Variants in EFHC2 observed in about 807,000 individuals in gnomAD.
EFHC2 encodes the protein EF-hand domain-containing family member C2.
A neutral mutation model predicts 52.7 loss-of-function variants in EFHC2; 18 were observed. That is an observed-to-expected ratio of 0.34 (90% CI 0.24 to 0.51). The LOEUF (loss-of-function observed/expected upper bound fraction) is 0.51. Ranked by LOEUF, EFHC2 falls within the 20% of genes least tolerant of loss-of-function variation. The probability of loss-of-function intolerance (pLI) is 0.97; values close to 1 mark genes in which losing one functional copy is unlikely to be tolerated. For synonymous variants in EFHC2, 203 were observed against 204.1 expected (o/e 0.99, Z 0.04); for missense variants, 513 against 562.5 (o/e 0.91, Z 0.89).
intron 9 of EFHC2, among the ~76,000 whole-genome samples, chrX:44,234,049 A>T (rs2037299288): frequency 8.9e-6 from 1 of 111,930 alleles, no homozygotes; most frequent in Non-Finnish European, 1.9e-5. Flanking sequence ...ACAGTCTGAC[A>T]GCTCTCCCAG....
chrX:44,226,867 C>T (rs1366362735), intron 11 of EFHC2, among the ~76,000 whole-genome samples: 1 of 105,901 alleles, frequency 9.4e-6, no homozygotes, highest in Non-Finnish European at 1.9e-5. Context: ...ACGTTCTGCA[C>T]ATGTACCCCA....
chrX:44,223,847 T>C (rs1348746630), intron 11 of EFHC2, among the ~76,000 whole-genome samples: 6 of 111,954 alleles, frequency 5.4e-5, no homozygotes, highest in African/African-American at 1.9e-4. Flanking sequence ...ATTCATAGAC[T>C]AGTGGCTTCC....
chrX:44,252,386 C>A (rs1266523161), intron 4 of EFHC2, among the ~76,000 whole-genome samples: 1 of 112,066 alleles, frequency 8.9e-6, no homozygotes, highest in Non-Finnish European at 1.9e-5. Flanking sequence ...CTGTCGAGGG[C>A]AGTCTAGGTG....
At chrX:44,331,815 T>C (rs2038088467) in intron 1 of EFHC2, among the ~76,000 whole-genome samples, 1 of 110,806 alleles carries the variant, frequency 9.0e-6, no homozygotes, top group South Asian at 3.8e-4. Context: ...TCCCGGCTAC[T>C]CAAGGGGCTG....
intron 2 of EFHC2, among the ~76,000 whole-genome samples, chrX:44,287,159 A>C (rs764173944): frequency 9.1e-6 from 1 of 110,091 alleles, no homozygotes; most frequent in Non-Finnish European, 1.9e-5. Context: ...GTTTGAAACT[A>C]GCCTAGGCAA....
chrX:44,172,018 T>C (rs935261531), intron 13 of EFHC2, among the ~76,000 whole-genome samples: 1 of 112,058 alleles, frequency 8.9e-6, no homozygotes, highest in African/African-American at 3.2e-5. Context: ...ACAGGAGCAC[T>C]AACCGTGCCT....
intron 11 of EFHC2, among the ~76,000 whole-genome samples, chrX:44,224,685 G>C (rs2037217861): frequency 8.9e-6 from 1 of 112,652 alleles, no homozygotes; most frequent in Admixed American, 9.4e-5. Context: ...ATTGAGGTCT[G>C]ATACACTGGG....
At chrX:44,206,666 T>G (rs894434101) in intron 11 of EFHC2, among the ~76,000 whole-genome samples, 1 of 111,860 alleles carries the variant, frequency 8.9e-6, no homozygotes, top group African/African-American at 3.3e-5. Flanking sequence ...GAGATACCCC[T>G]ACAAGTAGAA....
At position 44,288,251 on chromosome X, in the gene EFHC2, A is replaced by G. The variant is rs373980589; in HGVS notation, c.232-15415T>C. 1.9e-4 allele frequency among the ~76,000 whole-genome samples: 21 copies of G among 111,483 alleles called. No homozygotes were observed. In the East Asian group the frequency reaches 2.2e-3, roughly 12 times the overall value. ...AAGCCATGATGGACAGCATTCATAT[A>G]GACAAAAATTAATGAACCAAATGTT... On this transcript the variant is annotated intron_variant, in intron 2 of 14. Transcript: ENST00000420999.
At chrX:44,237,624 T>A (rs1003064393) in intron 8 of EFHC2, among the ~76,000 whole-genome samples, 2 of 111,858 alleles carry the variant, frequency 1.8e-5, no homozygotes, top group Non-Finnish European at 3.8e-5. Flanking sequence ...ACTGCTCTTG[T>A]AGAGGTCAAC....
chrX:44,228,038 C>A (rs751621714), intron 11 of EFHC2, among the ~76,000 whole-genome samples: 8 of 112,506 alleles, frequency 7.1e-5, no homozygotes, highest in Non-Finnish European at 1.1e-4. Flanking sequence ...CAAGGCCTTG[C>A]TGGCTGCAGT....
chrX:44,150,169 A>C (rs1295365724), intron 14 of EFHC2, among the ~76,000 whole-genome samples: 1 of 111,930 alleles, frequency 8.9e-6, no homozygotes, highest in African/African-American at 3.3e-5. Flanking sequence ...CTAGTGTTAC[A>C]TTAGTATCCA....
intron 2 of EFHC2, among the ~76,000 whole-genome samples, chrX:44,279,227 C>T (rs191006826): frequency 9.0e-6 from 1 of 111,614 alleles, no homozygotes; most frequent in East Asian, 2.8e-4. Context: ...GCCTGTAATC[C>T]CAGCTACTCA....
chrX:44,220,722 TC>T (rs1485095003), intron 11 of EFHC2, among the ~76,000 whole-genome samples: 1 of 112,438 alleles, frequency 8.9e-6, no homozygotes, highest in Non-Finnish European at 1.9e-5. Context: ...TCCAACTATT[TC>T]CCTATTGTTG....
chrX:44,288,048 A>AT (rs1459102035), intron 2 of EFHC2, among the ~76,000 whole-genome samples: 4 of 112,197 alleles, frequency 3.6e-5, no homozygotes, highest in African/African-American at 1.3e-4. Flanking sequence ...AATAAACGTG[A>AT]TTTTTTAAAA....
intron 1 of EFHC2, among the ~76,000 whole-genome samples, chrX:44,331,446 A>G (rs937027509): frequency 1.8e-5 from 2 of 111,877 alleles, no homozygotes; most frequent in Non-Finnish European, 3.8e-5. Context: ...CCCTGTGGTG[A>G]TAAGACTGTT....
At chrX:44,281,952 C>G (rs190239548) in intron 2 of EFHC2, among the ~76,000 whole-genome samples, 1 of 111,201 alleles carries the variant, frequency 9.0e-6, no homozygotes, top group African/African-American at 3.3e-5. Flanking sequence ...ATGGACCACT[C>G]ATTACGGATG....
At chrX:44,217,935 A>C (rs2037164122) in intron 11 of EFHC2, among the ~76,000 whole-genome samples, 6 of 111,817 alleles carry the variant, frequency 5.4e-5, no homozygotes, top group Non-Finnish European at 3.8e-5. Flanking sequence ...TGCCTGTATC[A>C]AAACATTTCA....
chrX:44,266,406 G>A (rs771604402), intron 3 of EFHC2, among the ~76,000 whole-genome samples: 2 of 106,692 alleles, frequency 1.9e-5, no homozygotes, highest in South Asian at 4.2e-4. Context: ...GTGTGATCTC[G>A]GCTCACTGCA....
Sources: allele counts gnomAD v4.1 joint callset (sites outside exome capture counted in the v4.1 genomes callset), GRCh38; gene constraint gnomAD v4.1.1; transcripts MANE v1.5; gene names NCBI Gene and HGNC (gene_info 2026-07-23, HGNC 2026-07-21).